Variants in CASP5 observed in about 807,000 individuals in gnomAD.
CASP5 encodes the protein caspase 5, also known as caspase-5.
In CASP5, 42 loss-of-function variants were observed where a neutral mutation model predicts 45.2. The ratio of observed to expected loss-of-function variants is 0.93; its 90% confidence interval spans 0.73 to 1.20. The LOEUF (loss-of-function observed/expected upper bound fraction) is 1.20. CASP5 is among the 50% of genes most tolerant of loss of function. The pLI, the probability that CASP5 is intolerant of heterozygous loss-of-function variation, is 0.00. For missense variants in CASP5, 512 were observed against 532.2 expected (o/e 0.96, Z 0.37); for synonymous variants, 209 against 186.2 (o/e 1.12, Z -1.00).
At chr11:105,019,483 G>A (rs1294624078) in intron 1 of CASP5, among the ~76,000 whole-genome samples, 2 of 150,656 alleles carry the variant, frequency 1.3e-5, no homozygotes, top group Admixed American at 6.8e-5. Context: ...TATCACCACC[G>A]ATCCCACAGA....
intron 1 of CASP5, among the ~76,000 whole-genome samples, chr11:105,021,621 CA>C (rs1862967845): frequency 6.8e-6 from 1 of 146,942 alleles, no homozygotes; most frequent in African/African-American, 2.5e-5. Context: ...TACCATCTCA[CA>C]CGAGTTAGAA....
chr11:105,016,401 T>C (rs960592583), intron 1 of CASP5, among the ~76,000 whole-genome samples: 3 of 152,004 alleles, frequency 2.0e-5, no homozygotes, highest in African/African-American at 7.3e-5. Flanking sequence ...AGGTACCGGG[T>C]TCATCTCACT....
At chr11:105,017,186 A>G (rs1420556325) in intron 1 of CASP5, among the ~76,000 whole-genome samples, 3 of 152,078 alleles carry the variant, frequency 2.0e-5, no homozygotes, top group African/African-American at 7.2e-5. Flanking sequence ...CCAAAAGTAG[A>G]AAAAACCACA....
chr11:104,998,359 G>T (rs1051437396), intron 7 of CASP5, among the ~76,000 whole-genome samples: 1 of 152,128 alleles, frequency 6.6e-6, no homozygotes, highest in African/African-American at 2.4e-5. Context: ...ACAAACGACT[G>T]TTTCCTGTAA....
intron 1 of CASP5, among the ~76,000 whole-genome samples, chr11:105,018,252 C>A (rs369013245): frequency 3.3e-5 from 5 of 150,024 alleles, no homozygotes. Context: ...CATCAACTAA[C>A]GAGCAAAATA....
intron 1 of CASP5, among the ~76,000 whole-genome samples, chr11:105,013,501 T>C (rs1862449710): frequency 6.6e-6 from 1 of 152,136 alleles, no homozygotes; most frequent in Non-Finnish European, 1.5e-5. Flanking sequence ...AAACATCATT[T>C]TGTACATAAG....
chr11:105,008,756 G>C, intron 2 of CASP5, 51 bp downstream of exon 2: 2 of 1,340,418 alleles, frequency 1.5e-6, no homozygotes, highest in Non-Finnish European at 2.1e-6. Flanking sequence ...ACTTATAATT[G>C]AACAGATTCT....
intron 1 of CASP5, among the ~76,000 whole-genome samples, chr11:105,019,677 T>A (rs1221575299): frequency 7.1e-6 from 1 of 140,042 alleles, no homozygotes; most frequent in African/African-American, 2.6e-5. Flanking sequence ...GCTTACCAAC[T>A]AAAAAGAGTC....
In CASP5 at chr11:105,008,806, C is replaced by A. The variant is rs1309147666; in HGVS notation, c.181+1G>T. ...ATCCATTGTAAAATATCCAGTCTTA[C>A]TTTTTACACTGGTCGACTTTTGATC... On this transcript the variant is annotated splice_donor_variant, in intron 2 of 9. Transcript: ENST00000260315. LOFTEE classifies it high-confidence loss of function. 3 of 1,600,152 alleles carry A rather than the reference C, an allele frequency of 1.9e-6. No individual in the cohort carries two copies. Among genetic ancestry groups the A allele is most frequent in the Middle Eastern group, 1.8e-4 (1 of 5,580 alleles).
chr11:105,008,090 CCTGGCCCTCTTCTAATTA>C (rs1862097849), intron 2 of CASP5, among the ~76,000 whole-genome samples: 1 of 151,908 alleles, frequency 6.6e-6, no homozygotes, highest in Non-Finnish European at 1.5e-5. Flanking sequence ...AATTTTTTTG[CCTGGCCCTCTTCTAATTA>C]CTGCCAGTCA....
Position 105,000,506 on chromosome 11 carries a change from G to A in CASP5, c.718-11C>T. 9 of 1,611,058 alleles carry A rather than the reference G, an allele frequency of 5.6e-6. No homozygotes were observed. The highest frequency in any genetic ancestry group is 7.6e-6 in the Non-Finnish European group (9 of 1,177,310). On this transcript the variant is annotated splice_polypyrimidine_tract_variant and intron_variant, in intron 5 of 9. Transcript: ENST00000260315. Reference sequence around the variant, plus strand: ...CACTGACTCCATATCCTATAAAAGAGCAATGTCTAACTTCAGTCAGAGAAG... The same window carrying A: ...CACTGACTCCATATCCTATAAAAGAACAATGTCTAACTTCAGTCAGAGAAG...
Position 104,999,793 on chromosome 11 carries a change from G to A in CASP5, c.952+468C>T, listed in dbSNP as rs45623942. ...CAGGAATAAAAAGAGGGAGAGAGAA[G>A]ATTGACTTAAATCCCCTCAAGTTTC... is the stretch of plus-strand genomic sequence containing the variant. On this transcript the variant is annotated intron_variant, in intron 6 of 9. Coordinates refer to ENST00000260315, the MANE Select transcript of CASP5 (RefSeq NM_004347.5). Among the ~76,000 whole-genome samples, 299 of 152,280 alleles carry A rather than the reference G, an allele frequency of 2.0e-3. 1 individual carries two copies. Among genetic ancestry groups the A allele is most frequent in the Admixed American group, 5.9e-3 (91 of 15,302 alleles).
intron 1 of CASP5, among the ~76,000 whole-genome samples, chr11:105,021,865 G>A (rs1339099183): frequency 6.7e-6 from 1 of 150,178 alleles, no homozygotes; most frequent in Non-Finnish European, 1.5e-5. Flanking sequence ...GCACACGTAT[G>A]TTTATTGTGG....
At chr11:105,009,908 C>T (rs11226579) in intron 1 of CASP5, among the ~76,000 whole-genome samples, 245 of 118,966 alleles carry the variant, frequency 2.1e-3, no homozygotes, top group African/African-American at 0.01. Flanking sequence ...CATATATATA[C>T]ACATATATAT....
At position 105,007,099 on chromosome 11, in the gene CASP5, C is replaced by A. The variant is rs1253567153; in HGVS notation, c.417G>T (p.Lys139Asn). The change falls in exon 3 of 10, where the codon AAG becomes AAT. Residue 139 changes from lysine (K) to asparagine (N), a missense_variant. Transcript: ENST00000260315. ...FTQTLLNMDQKITSVKPLLQI... is the reference protein window; with the variant it reads ...FTQTLLNMDQNITSVKPLLQI... ...CAACCTTACGTTTTACACTGGTGAT[C>A]TTTTGGTCCATATTGAGAAGTGTTT... 1 of 1,612,228 alleles carries A rather than the reference C, an allele frequency of 6.2e-7. No homozygotes were observed. The highest frequency in any genetic ancestry group is 1.3e-5 in the African/African-American group (1 of 74,782).
chr11:105,009,770 C>CAA (rs1491178677), intron 1 of CASP5, among the ~76,000 whole-genome samples: 1 of 42,976 alleles, frequency 2.3e-5, no homozygotes, highest in Non-Finnish European at 4.5e-5. Context: ...CACACACACA[C>CAA]GTATATATAT....
At chr11:105,005,286 C>T (rs1861945997) in intron 3 of CASP5, among the ~76,000 whole-genome samples, 1 of 151,928 alleles carries the variant, frequency 6.6e-6, no homozygotes, top group South Asian at 2.1e-4. Context: ...CAATTTCCCA[C>T]AGCACATAGG....
chr11:105,021,421 G>A (rs1425860325), intron 1 of CASP5, among the ~76,000 whole-genome samples: 2 of 147,800 alleles, frequency 1.4e-5, no homozygotes, highest in Non-Finnish European at 3.0e-5. Context: ...CTGACAAAGG[G>A]CTAATATCCA....
intron 1 of CASP5, 146 bp from the exon 2 acceptor site, chr11:105,009,126 T>C (rs1287859737): frequency 2.3e-5 from 16 of 689,738 alleles, no homozygotes; most frequent in Non-Finnish European, 3.9e-5. Context: ...TATTTCTTTG[T>C]ACCTGTAGCA....
Sources: gnomAD v4.1 joint callset for allele counts (sites outside exome capture counted in the v4.1 genomes callset) on GRCh38, gnomAD v4.1.1 for gene constraint, MANE v1.5 for transcripts, NCBI Gene and HGNC (gene_info 2026-07-23, HGNC 2026-07-21) for gene names.